Variants in ARHGEF7 observed in about 807,000 individuals in gnomAD.
ARHGEF7 encodes the protein PAK-interacting exchange factor beta.
In ARHGEF7, 33 loss-of-function variants were observed where a neutral mutation model predicts 109.8. The ratio of observed to expected loss-of-function variants is 0.30; its 90% CI spans 0.23 to 0.40. The LOEUF (loss-of-function observed/expected upper bound fraction) is 0.40. ARHGEF7 is among the 10% of genes least tolerant of loss of function. ARHGEF7 has a pLI of 1.00. For synonymous variants in ARHGEF7, 458 were observed against 424.6 expected (o/e 1.08, Z -0.97); for missense variants, 938 against 1,098.5 (o/e 0.85, Z 2.07).
At chr13:111,133,812 T>TAAAAATAA (rs774568302) in intron 1 of ARHGEF7, among the ~76,000 whole-genome samples, 2 of 62,568 alleles carry the variant, frequency 3.2e-5, no homozygotes, top group African/African-American at 1.6e-4. Flanking sequence ...TATATATATA[T>TAAAAATAA]ATTTATTATA....
chr13:111,157,547 A>G lies in ARHGEF7; in HGVS notation c.252+3556A>G, dbSNP rs189130795. 1.1e-3 allele frequency among the ~76,000 whole-genome samples: 172 copies of G among 152,054 alleles called. No homozygotes were observed. In the Middle Eastern group the frequency reaches 0.014, roughly 12 times the overall value. On this transcript the variant is annotated intron_variant, in intron 2 of 21. Coordinates refer to ENST00000646102, the MANE Select transcript of ARHGEF7 (RefSeq NM_001354046.2). The stretch of plus-strand genomic sequence containing the variant: ...ACGCCACTGCCCTCCAGCCTGGACA[A>G]CAGAGCAAAACTCCGTCTCAAAAAA...
At chr13:111,155,027 C>A (rs2076203531) in intron 2 of ARHGEF7, among the ~76,000 whole-genome samples, 1 of 151,938 alleles carries the variant, frequency 6.6e-6, no homozygotes, top group Non-Finnish European at 1.5e-5. Flanking sequence ...CAATAAAAAA[C>A]AACACAGTAT....
intron 14 of ARHGEF7, 44 bp from the exon 15 acceptor site, chr13:111,280,494 T>C (rs1273864126): frequency 6.3e-7 from 1 of 1,579,116 alleles, no homozygotes; most frequent in Non-Finnish European, 8.6e-7. Context: ...ACGTGCTTTT[T>C]ACCTGTGTTT....
At chr13:111,170,698 A>T (rs1221773593) in intron 2 of ARHGEF7, among the ~76,000 whole-genome samples, 1 of 152,086 alleles carries the variant, frequency 6.6e-6, no homozygotes, top group African/African-American at 2.4e-5. Context: ...GATGGTGGCT[A>T]CCCCAAGGGT....
intron 5 of ARHGEF7, among the ~76,000 whole-genome samples, chr13:111,227,780 C>T (rs890972630): frequency 6.6e-6 from 1 of 152,164 alleles, no homozygotes; most frequent in African/African-American, 2.4e-5. Context: ...AAACGAGATG[C>T]TTTAGTCTTA....
At chr13:111,251,284 C>T (rs2153559455) in intron 8 of ARHGEF7, among the ~76,000 whole-genome samples, 1 of 152,322 alleles carries the variant, frequency 6.6e-6, no homozygotes, top group South Asian at 2.1e-4. Flanking sequence ...GGAGAGAGAG[C>T]ACCCTGAGGT....
At chr13:111,295,327 C>T (rs2093403692) in intron 19 of ARHGEF7, 2 of 433,462 alleles carry the variant, frequency 4.6e-6, no homozygotes, top group South Asian at 1.9e-4. Context: ...TTCTGTCTGC[C>T]CTGATAGAAA....
intron 13 of ARHGEF7, among the ~76,000 whole-genome samples, 192 bp downstream of exon 13, chr13:111,277,865 C>CA (rs199952582): frequency 0.012 from 1,768 of 152,098 alleles, 23 homozygotes; most frequent in Middle Eastern, 0.034. Context: ...ATGTTAATTT[C>CA]AAAAAAGGAA....
chr13:111,166,423 T>G (rs1392816631), intron 2 of ARHGEF7, among the ~76,000 whole-genome samples: 3 of 152,146 alleles, frequency 2.0e-5, no homozygotes, highest in African/African-American at 7.2e-5. Context: ...ACAGGATCAT[T>G]TTGGCTGTGT....
chr13:111,293,976 G>A, intron 19 of ARHGEF7: 3 of 985,414 alleles, frequency 3.0e-6, no homozygotes, highest in Non-Finnish European at 2.4e-6. Context: ...TAATGGCACA[G>A]GAGACATCAG....
At chr13:111,155,001 A>G (rs763462019) in intron 2 of ARHGEF7, among the ~76,000 whole-genome samples, 1 of 152,210 alleles carries the variant, frequency 6.6e-6, no homozygotes, top group Admixed American at 6.5e-5. Flanking sequence ...GGAGGGGGAA[A>G]CCAATTAAAA....
chr13:111,153,869 G>A (rs375170560), intron 1 of ARHGEF7, 36 bp from the exon 2 acceptor site: 2 of 1,579,346 alleles, frequency 1.3e-6, no homozygotes, highest in Admixed American at 1.8e-5. Context: ...CCCCGCTGCC[G>A]GCCACGGCGC....
chr13:111,147,620 G>A (rs1285355520), intron 1 of ARHGEF7, among the ~76,000 whole-genome samples: 1 of 151,080 alleles, frequency 6.6e-6, no homozygotes, highest in East Asian at 1.9e-4. Context: ...GAACACCCTG[G>A]ACTGCCAAAA....
At chr13:111,289,449 A>G (rs2093177047) in intron 18 of ARHGEF7, among the ~76,000 whole-genome samples, 1 of 152,196 alleles carries the variant, frequency 6.6e-6, no homozygotes. Flanking sequence ...CGTGCCCACA[A>G]CAGCTGACAT....
At chr13:111,188,424 G>A (rs1280942568) in intron 2 of ARHGEF7, among the ~76,000 whole-genome samples, 2 of 152,220 alleles carry the variant, frequency 1.3e-5, no homozygotes, top group African/African-American at 4.8e-5. Context: ...TCTGTGCCTG[G>A]AGGTGAAGGG....
At chr13:111,236,478 G>A (rs2086848993) in intron 6 of ARHGEF7, among the ~76,000 whole-genome samples, 1 of 152,128 alleles carries the variant, frequency 6.6e-6, no homozygotes, top group African/African-American at 2.4e-5. Context: ...CCTCCCCTGG[G>A]TTATACTGTT....
chr13:111,151,653 C>T (rs556992794), intron 1 of ARHGEF7, among the ~76,000 whole-genome samples: 3 of 152,226 alleles, frequency 2.0e-5, no homozygotes, highest in Non-Finnish European at 4.4e-5. Flanking sequence ...ACATTGAACT[C>T]ATGGCCAACA....
At chr13:111,264,110 G>C (rs1847076886) in intron 8 of ARHGEF7, among the ~76,000 whole-genome samples, 1 of 152,206 alleles carries the variant, frequency 6.6e-6, no homozygotes, top group Non-Finnish European at 1.5e-5. Flanking sequence ...GCAGATGCTA[G>C]CTTACTTTGC....
intron 2 of ARHGEF7, among the ~76,000 whole-genome samples, chr13:111,166,957 A>G (rs1374643001): frequency 6.6e-6 from 1 of 152,142 alleles, no homozygotes. Context: ...CTCAAAGAGA[A>G]TGAAGGAATA....
Sources: allele counts gnomAD v4.1 joint callset (sites outside exome capture counted in the v4.1 genomes callset), GRCh38; gene constraint gnomAD v4.1.1; transcripts MANE v1.5; gene names NCBI Gene and HGNC (gene_info 2026-07-23, HGNC 2026-07-21).